PDE5A: variants seen among roughly 807,000 people sequenced by gnomAD.
PDE5A encodes the protein cGMP-specific 3',5'-cyclic phosphodiesterase.
Under a neutral mutation model 110.2 loss-of-function variants are expected in PDE5A, and 67 were observed. The observed-to-expected ratio is 0.61, with a 90% CI of 0.50 to 0.75. The LOEUF is 0.75. Among genes scored for constraint, PDE5A ranks in the 30% least tolerant of loss-of-function variants. The probability of loss-of-function intolerance (pLI) is 0.00; values close to 1 mark genes in which losing one functional copy is unlikely to be tolerated. For missense variants in PDE5A, 862 were observed against 1,045.1 expected, an observed-to-expected ratio of 0.82 and a Z score of 2.42; for synonymous variants, 328 against 351.2, an observed-to-expected ratio of 0.93 and a Z score of 0.74.
chr4:119,612,851 A>T (rs796147819), intron 1 of PDE5A, among the ~76,000 whole-genome samples: 1 of 152,214 alleles, frequency 6.6e-6, no homozygotes, highest in East Asian at 1.9e-4. Flanking sequence ...GGACTAAGAC[A>T]ATATAGATTT....
intron 9 of PDE5A, among the ~76,000 whole-genome samples, chr4:119,548,005 A>AG (rs2110491867): frequency 6.7e-6 from 1 of 150,174 alleles, no homozygotes; most frequent in African/African-American, 2.4e-5. Flanking sequence ...AGTATATTTC[A>AG]GGCCCACTGT....
At chr4:119,611,714 A>G (rs1729753942) in intron 1 of PDE5A, among the ~76,000 whole-genome samples, 3 of 152,376 alleles carry the variant, frequency 2.0e-5, no homozygotes, top group Admixed American at 6.5e-5. Context: ...CAGATGTAGC[A>G]TATTCAGTCA....
chr4:119,550,177 T>G (rs1283587287), intron 9 of PDE5A: 2 of 152,320 alleles, frequency 1.3e-5, no homozygotes, highest in African/African-American at 4.8e-5. Flanking sequence ...TGGGATCTAC[T>G]TGAGAACCTC....
rs1212904351 is a variant in PDE5A at position 119,560,336 on chromosome 4, C to A, written c.1159G>T (p.Glu387Ter). 6.3e-7 allele frequency: 1 copy of A among 1,588,646 alleles called. No homozygotes were observed. ...GATGATTTTTCTAATTCCTCACACT[C>A]CATGTGAAACACACTAGAAAAAGAA... ...SDSFSSVFHM[E>*]CEELEKSSDT... The change falls in exon 7 of 21, where the codon GAG (glutamate) becomes TAG (stop). Residue 387 changes from glutamate (E) to a stop codon, truncating the protein, a stop_gained. Coordinates refer to ENST00000354960, the MANE Select transcript of PDE5A (RefSeq NM_001083.4). LOFTEE classifies it high-confidence loss of function.
intron 3 of PDE5A, among the ~76,000 whole-genome samples, chr4:119,568,231 A>G (rs1009050284): frequency 6.6e-6 from 1 of 151,876 alleles, no homozygotes; most frequent in Non-Finnish European, 1.5e-5. Flanking sequence ...TTTCCCTTAG[A>G]GCAACTCTCT....
Position 119,580,903 on chromosome 4 carries a change from T to G in PDE5A, c.832-13759A>C, listed in dbSNP as rs560236997. Among the ~76,000 whole-genome samples, 90 of 152,358 alleles carry G rather than the reference T, an allele frequency of 5.9e-4. 1 individual carries two copies. Among genetic ancestry groups the G allele is most frequent in the Admixed American group, 1.2e-3 (19 of 15,304 alleles). ...TTTATGTTCACCTTTACACAATACA[T>G]TGCCAAAAACGACTTCAGAGCCCTG... On this transcript the variant is annotated intron_variant, in intron 3 of 20. Coordinates refer to ENST00000354960, the MANE Select transcript of PDE5A (RefSeq NM_001083.4).
intron 10 of PDE5A, among the ~76,000 whole-genome samples, chr4:119,540,820 T>G (rs1726900145): frequency 6.6e-6 from 1 of 152,152 alleles, no homozygotes; most frequent in African/African-American, 2.4e-5. Context: ...GCCCTTGGCT[T>G]TTGTCCAATG....
At chr4:119,532,870 G>A (rs1354124351) in intron 11 of PDE5A, among the ~76,000 whole-genome samples, 1 of 152,086 alleles carries the variant, frequency 6.6e-6, no homozygotes. Context: ...AGGTCATACT[G>A]CTATCAAAGG....
chr4:119,628,128 G>A, intron 1 of PDE5A: 1 of 656,408 alleles, frequency 1.5e-6, no homozygotes, highest in Non-Finnish European at 1.9e-6. Flanking sequence ...ACTTGGAAAT[G>A]GTGCTTCCGG....
At chr4:119,557,200 T>TC (rs1727573920) in intron 7 of PDE5A, among the ~76,000 whole-genome samples, 2 of 152,180 alleles carry the variant, frequency 1.3e-5, no homozygotes, top group African/African-American at 4.8e-5. Context: ...CTAGAGGACT[T>TC]CCCAGCAGCC....
At chr4:119,623,441 A>G (rs997143714) in intron 1 of PDE5A, among the ~76,000 whole-genome samples, 3 of 152,220 alleles carry the variant, frequency 2.0e-5, no homozygotes, top group African/African-American at 7.2e-5. Flanking sequence ...GGCTGTTGGA[A>G]CAAAGAACAA....
At chr4:119,556,553 A>C (rs1445926913) in intron 7 of PDE5A, among the ~76,000 whole-genome samples, 2 of 152,184 alleles carry the variant, frequency 1.3e-5, no homozygotes, top group Non-Finnish European at 2.9e-5. Context: ...TTCTTGTTTA[A>C]GCTATTTTTA....
At chr4:119,601,939 G>T (rs1022999131) in intron 2 of PDE5A, among the ~76,000 whole-genome samples, 4 of 152,108 alleles carry the variant, frequency 2.6e-5, no homozygotes, top group Non-Finnish European at 5.9e-5. Context: ...AATTTAAAAA[G>T]ATAAAGAAAT....
intron 2 of PDE5A, among the ~76,000 whole-genome samples, chr4:119,599,172 A>G (rs1729253162): frequency 6.6e-6 from 1 of 152,196 alleles, no homozygotes; most frequent in East Asian, 1.9e-4. Context: ...GACAGGATCA[A>G]AAGAATCTGC....
At chr4:119,602,730 G>A (rs986497897) in intron 2 of PDE5A, among the ~76,000 whole-genome samples, 2 of 152,222 alleles carry the variant, frequency 1.3e-5, no homozygotes, top group Non-Finnish European at 2.9e-5. Context: ...GAAATAGAAA[G>A]TAAGAAACTG....
intron 7 of PDE5A, among the ~76,000 whole-genome samples, chr4:119,554,489 T>C (rs1266330796): frequency 6.6e-6 from 1 of 152,180 alleles, no homozygotes. Flanking sequence ...GAAAACAGAA[T>C]GGAACATGTT....
intron 6 of PDE5A, among the ~76,000 whole-genome samples, chr4:119,561,833 C>T (rs915621093): frequency 6.6e-6 from 1 of 152,154 alleles, no homozygotes. Flanking sequence ...CACATATACA[C>T]ATCCCAAATG....
intron 3 of PDE5A, among the ~76,000 whole-genome samples, chr4:119,572,291 C>G (rs1578787345): frequency 6.6e-6 from 1 of 152,214 alleles, no homozygotes; most frequent in East Asian, 1.9e-4. Flanking sequence ...TACATGTACT[C>G]AAAAGTTGAA....
chr4:119,568,948 T>C (rs1728044461), intron 3 of PDE5A, among the ~76,000 whole-genome samples: 1 of 151,610 alleles, frequency 6.6e-6, no homozygotes, highest in Non-Finnish European at 1.5e-5. Flanking sequence ...GCTTATTAAA[T>C]GATCACTAAT....
Sources: allele counts gnomAD v4.1 joint callset (sites outside exome capture counted in the v4.1 genomes callset), GRCh38; gene constraint gnomAD v4.1.1; transcripts MANE v1.5; gene names NCBI Gene and HGNC (gene_info 2026-07-23, HGNC 2026-07-21).